NXN: variants seen among roughly 807,000 people sequenced by gnomAD.
NXN encodes nucleoredoxin 1.
NXN carries 16 observed loss-of-function variants against 48.6 expected under a neutral mutation model. That is an observed-to-expected ratio of 0.33 (90% confidence interval 0.22 to 0.50). The LOEUF (loss-of-function observed/expected upper bound fraction) is 0.50. Ranked by LOEUF, NXN falls within the 20% of genes least tolerant of loss-of-function variation. NXN has a pLI of 0.98. For synonymous variants in NXN, 281 were observed against 269.6 expected, an observed-to-expected ratio of 1.04 and a Z score of -0.41; for missense variants, 492 against 605.5, an observed-to-expected ratio of 0.81 and a Z score of 1.97.
intron 5 of NXN, among the ~76,000 whole-genome samples, chr17:807,523 A>G (rs1163920057): frequency 2.0e-5 from 3 of 152,208 alleles, no homozygotes; most frequent in Non-Finnish European, 4.4e-5. Flanking sequence ...CTGTGGCTGC[A>G]GCCTCTTTTG....
At chr17:961,211 C>T (rs1015011316) in intron 1 of NXN, among the ~76,000 whole-genome samples, 1 of 151,998 alleles carries the variant, frequency 6.6e-6, no homozygotes, top group South Asian at 2.1e-4. Context: ...CTGGCCAACA[C>T]GACAAAAGCC....
chr17:867,931 G>T (rs1244861975), intron 1 of NXN, among the ~76,000 whole-genome samples: 1 of 151,994 alleles, frequency 6.6e-6, no homozygotes, highest in African/African-American at 2.4e-5. Context: ...ACCTTGCAAA[G>T]AGTGTGCAGA....
rs79967767 is a variant in NXN, at chr17:849,188, C to T, written c.361-23110G>A. Among the ~76,000 whole-genome samples, 13,041 of 152,136 alleles carry T rather than the reference C, an allele frequency of 0.086. 767 individuals carry two copies. Among genetic ancestry groups the T allele is most frequent in the Middle Eastern group, 0.21 (61 of 294 alleles). On this transcript the variant is annotated intron_variant, in intron 1 of 7. Coordinates refer to ENST00000336868, the MANE Select transcript of NXN (RefSeq NM_022463.5). The surrounding 1 kb of genome is among the most constrained non-coding windows in gnomAD (Gnocchi z 4.2). The stretch of plus-strand genomic sequence containing the variant: ...TGCACGCTTGATCTAAGACCAATCA[C>T]GCTCTCTCCTGGAAGTTCAGAAAGT...
At chr17:839,778 G>A (rs1197499245) in intron 1 of NXN, among the ~76,000 whole-genome samples, 1 of 104,864 alleles carries the variant, frequency 9.5e-6, no homozygotes, top group Non-Finnish European at 1.9e-5. Flanking sequence ...ACTCCAGCCT[G>A]GCGACAGAGA....
chr17:904,054 T>C (rs935643543), intron 1 of NXN, among the ~76,000 whole-genome samples: 2 of 152,232 alleles, frequency 1.3e-5, no homozygotes, highest in Admixed American at 6.5e-5. Flanking sequence ...CTTGTAGCAT[T>C]AACTTTAACG....
At chr17:882,617 C>G (rs2068297749) in intron 1 of NXN, among the ~76,000 whole-genome samples, 2 of 152,204 alleles carry the variant, frequency 1.3e-5, no homozygotes, top group Middle Eastern at 3.4e-3. Flanking sequence ...AGGCGCCCAC[C>G]ACCATGCCCG....
chr17:901,127 G>T (rs1044049343), intron 1 of NXN, among the ~76,000 whole-genome samples: 23 of 151,952 alleles, frequency 1.5e-4, no homozygotes, highest in Non-Finnish European at 2.6e-4. Context: ...CACCATGTTG[G>T]CCAGGATGGT....
intron 1 of NXN, among the ~76,000 whole-genome samples, chr17:972,740 G>A (rs1294410533): frequency 1.3e-5 from 2 of 152,108 alleles, no homozygotes; most frequent in Admixed American, 1.3e-4. Flanking sequence ...ATTTTAAAAC[G>A]TAGAATCAGG....
intron 1 of NXN, among the ~76,000 whole-genome samples, chr17:880,842 C>T (rs1370200699): frequency 1.3e-5 from 2 of 152,076 alleles, no homozygotes; most frequent in African/African-American, 2.4e-5. Context: ...TCCAAGCAGA[C>T]ACTAAGTAAT....
chr17:870,195 TC>T (rs2068136609), intron 1 of NXN, among the ~76,000 whole-genome samples: 1 of 152,152 alleles, frequency 6.6e-6, no homozygotes. Flanking sequence ...CTGGGATTAT[TC>T]CAGTCTCCAT....
chr17:928,826 ACT>A (rs72063966), intron 1 of NXN, among the ~76,000 whole-genome samples: 4,472 of 152,164 alleles, frequency 0.029, 218 homozygotes, highest in African/African-American at 0.1. Flanking sequence ...ACAGAGTGAG[ACT>A]CTGTCTCAAA....
intron 1 of NXN, among the ~76,000 whole-genome samples, chr17:935,200 G>T (rs1597254658): frequency 1.3e-5 from 2 of 152,064 alleles, no homozygotes; most frequent in South Asian, 4.2e-4. Context: ...TACCATGTTG[G>T]CCAGGATGGT....
At chr17:857,748 T>A (rs987555970) in intron 1 of NXN, among the ~76,000 whole-genome samples, 2 of 152,146 alleles carry the variant, frequency 1.3e-5, no homozygotes, top group Non-Finnish European at 2.9e-5. Flanking sequence ...GCAAGCATCC[T>A]CTAAGTGGAA....
intron 1 of NXN, among the ~76,000 whole-genome samples, chr17:829,308 A>C (rs1913317412): frequency 6.6e-6 from 1 of 151,430 alleles, no homozygotes; most frequent in African/African-American, 2.4e-5. Flanking sequence ...GGCATGCACC[A>C]CCTTGCCGGC....
chr17:920,374 C>T lies in NXN; in HGVS notation c.360+58945G>A, dbSNP rs935924238. 1.3e-5 allele frequency among the ~76,000 whole-genome samples: 2 copies of T among 151,666 alleles called. No individual in the cohort carries two copies. The highest frequency in any genetic ancestry group is 2.4e-5 in the African/African-American group (1 of 41,098). On this transcript the variant is annotated intron_variant, in intron 1 of 7. Transcript: ENST00000336868. The surrounding 1 kb of genome is among the most constrained non-coding windows in gnomAD (Gnocchi z 4.6). ...ATGTGGCTCTCCTCCCAGCCCCGAG[C>T]GCCTGGGGATACCTAGGCCCTCCTG...
chr17:868,603 T>C (rs553709086), intron 1 of NXN, among the ~76,000 whole-genome samples: 1 of 152,210 alleles, frequency 6.6e-6, no homozygotes, highest in East Asian at 1.9e-4. Flanking sequence ...GCCATTCTCC[T>C]CCCTCAGCCT....
chr17:967,407 C>T (rs1049335118), intron 1 of NXN, among the ~76,000 whole-genome samples: 8 of 152,176 alleles, frequency 5.3e-5, no homozygotes, highest in African/African-American at 1.4e-4. Context: ...TGCCCCAGGA[C>T]GGCATCTGTG....
chr17:940,134 G>C (rs557588169), intron 1 of NXN, among the ~76,000 whole-genome samples: 3 of 102,364 alleles, frequency 2.9e-5, no homozygotes, highest in Non-Finnish European at 4.6e-5. Flanking sequence ...AGATCGAGGT[G>C]GGGGGGTCTC....
chr17:876,396 C>T (rs2144821188), intron 1 of NXN, among the ~76,000 whole-genome samples: 2 of 152,210 alleles, frequency 1.3e-5, no homozygotes, highest in South Asian at 4.1e-4. Context: ...CAACGGTGCT[C>T]AAGGAAGTCA....
Sources: gnomAD v4.1 joint callset for allele counts (sites outside exome capture counted in the v4.1 genomes callset) on GRCh38, gnomAD v4.1.1 for gene constraint, Gnocchi (gnomAD v3.1) non-coding constraint, MANE v1.5 for transcripts, NCBI Gene and HGNC (gene_info 2026-07-23, HGNC 2026-07-21) for gene names.